Variants in ULK4 observed in about 807,000 individuals in gnomAD.
ULK4 encodes the protein inactive serine/threonine-protein kinase ULK4.
A neutral mutation model predicts 160.6 loss-of-function variants in ULK4; 133 were observed. That is an observed-to-expected ratio of 0.83 (90% CI 0.72 to 0.96). ULK4 has a LOEUF of 0.96. Ranked by LOEUF, ULK4 falls within the 40% of genes least tolerant of loss-of-function variation. ULK4 has a pLI of 0.00. For synonymous variants in ULK4, 534 were observed against 539.8 expected (o/e 0.99, Z 0.15); for missense variants, 1,580 against 1,499.5 (o/e 1.05, Z -0.89).
chr3:41,435,134 G>C (rs1432326771), intron 34 of ULK4, among the ~76,000 whole-genome samples: 3 of 152,140 alleles, frequency 2.0e-5, no homozygotes, highest in Admixed American at 2.0e-4. Context: ...CAAACTCAAA[G>C]ACAGAAATAG....
chr3:41,702,567 G>C (rs1056685028), intron 27 of ULK4, among the ~76,000 whole-genome samples: 1 of 152,052 alleles, frequency 6.6e-6, no homozygotes, highest in East Asian at 1.9e-4. Flanking sequence ...TCAAAACAAA[G>C]TTTGCATGAT....
chr3:41,408,996 C>T, intron 34 of ULK4, among the ~76,000 whole-genome samples: 1 of 152,096 alleles, frequency 6.6e-6, no homozygotes. Flanking sequence ...CAGCTGGGTG[C>T]TCTAGTCCCA....
At chr3:41,473,593 C>T (rs1308879496) in intron 32 of ULK4, among the ~76,000 whole-genome samples, 6 of 135,676 alleles carry the variant, frequency 4.4e-5, no homozygotes, top group Middle Eastern at 8.4e-3. Context: ...ACCTGGTAGG[C>T]GGAGGTTGCA....
At chr3:41,425,253 T>C (rs971323330) in intron 34 of ULK4, among the ~76,000 whole-genome samples, 21 of 150,292 alleles carry the variant, frequency 1.4e-4, no homozygotes, top group Non-Finnish European at 2.8e-4. Flanking sequence ...AGAGAAAAAA[T>C]AATAAAAAGA....
At chr3:41,255,884 T>TA (rs1476399123) in intron 35 of ULK4, among the ~76,000 whole-genome samples, 1 of 152,176 alleles carries the variant, frequency 6.6e-6, no homozygotes, top group Admixed American at 6.5e-5. Context: ...TTCACTTATA[T>TA]AAAAAATCAT....
intron 35 of ULK4, among the ~76,000 whole-genome samples, chr3:41,276,296 CTTCTAGTTACCTT>C (rs1166472277): frequency 6.6e-6 from 1 of 152,224 alleles, no homozygotes; most frequent in East Asian, 1.9e-4. Flanking sequence ...GAAACTCTGT[CTTCTAGTTACCTT>C]TCCGGACCTT....
intron 35 of ULK4, among the ~76,000 whole-genome samples, chr3:41,300,298 T>C (rs9839855): frequency 0.16 from 23,603 of 152,144 alleles, 2,197 homozygotes; most frequent in African/African-American, 0.25. Flanking sequence ...GCTACTCAGA[T>C]ACTTAATACT....
intron 34 of ULK4, among the ~76,000 whole-genome samples, chr3:41,427,947 AG>A (rs2082814514): frequency 6.6e-6 from 1 of 152,176 alleles, no homozygotes; most frequent in African/African-American, 2.4e-5. Context: ...AAAGAAATAA[AG>A]GGTATTAAAA....
At chr3:41,914,939 A>C (rs1698916553) in intron 8 of ULK4, 1 of 152,160 alleles carries the variant, frequency 6.6e-6, no homozygotes, top group African/African-American at 2.4e-5. Context: ...AAACACTTGA[A>C]CCCAGGTTGC....
Position 41,715,590 on chromosome 3 carries a change from A to C in ULK4, c.2456-22T>G, listed in dbSNP as rs756030531. 61 of 1,613,612 alleles carry C rather than the reference A, an allele frequency of 3.8e-5. No homozygotes were observed. The Admixed American group carries it at 9.8e-4, about 26-fold the overall frequency. On this transcript the variant is annotated intron_variant, in intron 23 of 36. Transcript: ENST00000301831. ...TCACCTGTGAAGCACAGCCCAGAGC[A>C]TATGTGGAGGTTAAAAACCACAAAT...
At chr3:41,520,906 T>A (rs1200603750) in intron 32 of ULK4, among the ~76,000 whole-genome samples, 1 of 152,238 alleles carries the variant, frequency 6.6e-6, no homozygotes, top group Non-Finnish European at 1.5e-5. Flanking sequence ...TGAACTGGGT[T>A]ATTTGTTTTT....
At chr3:41,546,331 G>C (rs1487416727) in intron 32 of ULK4, among the ~76,000 whole-genome samples, 2 of 152,220 alleles carry the variant, frequency 1.3e-5, no homozygotes, top group Admixed American at 6.5e-5. Context: ...TTAATCCGTA[G>C]ACCAAGGACT....
chr3:41,369,841 C>A (rs2081327160), intron 35 of ULK4, among the ~76,000 whole-genome samples: 1 of 149,942 alleles, frequency 6.7e-6, no homozygotes, highest in African/African-American at 2.5e-5. Context: ...TACTCTGTCA[C>A]ATACAACAGT....
intron 32 of ULK4, among the ~76,000 whole-genome samples, chr3:41,546,035 GT>G (rs1227382294): frequency 6.6e-6 from 1 of 152,042 alleles, no homozygotes; most frequent in Non-Finnish European, 1.5e-5. Flanking sequence ...ATTTGTAATA[GT>G]TTTTTCAAAA....
chr3:41,491,500 T>C (rs1315199517), intron 32 of ULK4, among the ~76,000 whole-genome samples: 2 of 151,896 alleles, frequency 1.3e-5, no homozygotes, highest in South Asian at 2.1e-4. Flanking sequence ...CAAAAATATA[T>C]AGAAATTAGG....
At chr3:41,687,374 GAAAA>G (rs879559730) in intron 27 of ULK4, among the ~76,000 whole-genome samples, 1 of 119,820 alleles carries the variant, frequency 8.3e-6, no homozygotes. Context: ...TCCATCTCAA[GAAAA>G]AAAAAAAAAT....
intron 27 of ULK4, among the ~76,000 whole-genome samples, chr3:41,699,580 C>A (rs1185350676): frequency 6.6e-6 from 1 of 152,196 alleles, no homozygotes; most frequent in African/African-American, 2.4e-5. Context: ...GATTTCAACT[C>A]TGAGGAGCTA....
intron 32 of ULK4, among the ~76,000 whole-genome samples, chr3:41,516,869 T>C (rs946633539): frequency 6.6e-6 from 1 of 152,208 alleles, no homozygotes; most frequent in Admixed American, 6.5e-5. Context: ...CTTGATGGGA[T>C]GAATACCCCT....
chr3:41,605,256 A>G (rs1487921235), intron 31 of ULK4, among the ~76,000 whole-genome samples: 1 of 152,042 alleles, frequency 6.6e-6, no homozygotes, highest in Non-Finnish European at 1.5e-5. Flanking sequence ...TTTAAATATA[A>G]TAATATCAAA....
Sources: gnomAD v4.1 joint callset for allele counts (sites outside exome capture counted in the v4.1 genomes callset) on GRCh38, gnomAD v4.1.1 for gene constraint, MANE v1.5 for transcripts, NCBI Gene and HGNC (gene_info 2026-07-23, HGNC 2026-07-21) for gene names.